Variants in PTK2 observed in about 807,000 individuals in gnomAD.
PTK2 encodes the protein protein tyrosine kinase 2, also known as focal adhesion kinase 1.
PTK2 carries 45 observed loss-of-function variants against 150.1 expected under a neutral mutation model. That is an observed-to-expected ratio of 0.30 (90% CI 0.24 to 0.38). PTK2 has a LOEUF of 0.38. PTK2 is among the 10% of genes least tolerant of loss of function. PTK2 has a pLI of 1.00. For synonymous variants in PTK2, 432 were observed against 449.2 expected, an observed-to-expected ratio of 0.96 and a Z score of 0.48; for missense variants, 919 against 1,307.3, an observed-to-expected ratio of 0.70 and a Z score of 4.58.
At chr8:140,684,772 T>C (rs1198755385) in intron 27 of PTK2, among the ~76,000 whole-genome samples, 2 of 152,158 alleles carry the variant, frequency 1.3e-5, no homozygotes, top group African/African-American at 2.4e-5. Context: ...ATTGTTATAA[T>C]GGTCATACCG....
chr8:140,976,864 C>T (rs2100189429), intron 1 of PTK2, among the ~76,000 whole-genome samples: 1 of 152,046 alleles, frequency 6.6e-6, no homozygotes, highest in Admixed American at 6.6e-5. Flanking sequence ...TAGCCAAATT[C>T]TACTACAATA....
At chr8:140,695,195 T>C (rs988023470) in intron 26 of PTK2, among the ~76,000 whole-genome samples, 4 of 152,216 alleles carry the variant, frequency 2.6e-5, no homozygotes, top group African/African-American at 4.8e-5. Context: ...ATGCTATGAT[T>C]CCTGTCCCGG....
intron 1 of PTK2, among the ~76,000 whole-genome samples, chr8:140,926,769 A>G (rs1374385943): frequency 6.6e-6 from 1 of 152,268 alleles, no homozygotes; most frequent in Non-Finnish European, 1.5e-5. Flanking sequence ...ATCTTATTTA[A>G]TATTTCTGCC....
At chr8:140,677,280 T>C (rs1387592998) in intron 27 of PTK2, among the ~76,000 whole-genome samples, 3 of 151,176 alleles carry the variant, frequency 2.0e-5, no homozygotes, top group Admixed American at 1.3e-4. Context: ...TGGGCCTACA[T>C]TGTCATCACC....
chr8:140,777,963 T>G lies in PTK2; in HGVS notation c.1177+11511A>C, dbSNP rs4273891. Among the ~76,000 whole-genome samples the G allele has an allele frequency of 5.5e-3, 834 of 152,274 alleles. 8 individuals are homozygous for G. Among genetic ancestry groups the G allele is most frequent in the Non-Finnish European group, 6.0e-3 (411 of 68,026 alleles). ...GCCCTGCTCCTCTATCCCATAAATA[T>G]CCCTAAAACTTCATCTTTGGAGAGG... On this transcript the variant is annotated intron_variant, in intron 14 of 31. Coordinates refer to ENST00000522684, the Ensembl canonical transcript of PTK2.
intron 2 of PTK2, among the ~76,000 whole-genome samples, chr8:140,897,847 G>A (rs1028227819): frequency 6.6e-6 from 1 of 152,172 alleles, no homozygotes; most frequent in Non-Finnish European, 1.5e-5. Flanking sequence ...CCCTCACCAT[G>A]GAAAGGTAAT....
chr8:140,774,086 C>A (rs188551498), intron 14 of PTK2, among the ~76,000 whole-genome samples: 1 of 152,210 alleles, frequency 6.6e-6, no homozygotes, highest in Admixed American at 6.5e-5. Context: ...CCTACCTATT[C>A]CCTTTTAGAA....
intron 19 of PTK2, among the ~76,000 whole-genome samples, 167 bp downstream of exon 22, chr8:140,744,485 A>G (rs1325774295): frequency 6.6e-6 from 1 of 152,242 alleles, no homozygotes; most frequent in East Asian, 1.9e-4. Flanking sequence ...TTAACTGTGT[A>G]CAATAGATTC....
intron 1 of PTK2, among the ~76,000 whole-genome samples, chr8:140,965,415 C>G (rs1471989407): frequency 6.6e-6 from 1 of 152,166 alleles, no homozygotes; most frequent in East Asian, 1.9e-4. Context: ...TTTCTTCACT[C>G]AATATAGGTT....
intron 2 of PTK2, among the ~76,000 whole-genome samples, chr8:140,915,739 A>G (rs1035363361): frequency 1.3e-5 from 2 of 152,030 alleles, no homozygotes; most frequent in Non-Finnish European, 2.9e-5. Context: ...CTACTAAAAA[A>G]AAAAATTAAA....
chr8:140,702,710 G>A lies in PTK2; in HGVS notation c.2230-3C>T. 1 of 1,613,494 alleles carries A rather than the reference G, an allele frequency of 6.2e-7. No homozygotes were observed. Among genetic ancestry groups the A allele is most frequent in the South Asian group, 1.1e-5 (1 of 91,030 alleles). Reference sequence around the variant, plus strand: ...TGTGAACCAGGGTAGCCAGAAACCTGTGAATGAGTAAGGAGGCAAGGTAAT... The same window carrying A: ...TGTGAACCAGGGTAGCCAGAAACCTATGAATGAGTAAGGAGGCAAGGTAAT... On this transcript the variant is annotated splice_region_variant and splice_polypyrimidine_tract_variant and intron_variant, in intron 24 of 31. Coordinates refer to ENST00000522684, the Ensembl canonical transcript of PTK2.
intron 14 of PTK2, among the ~76,000 whole-genome samples, chr8:140,788,777 T>C (rs2100086498): frequency 6.6e-6 from 1 of 152,148 alleles, no homozygotes; most frequent in African/African-American, 2.4e-5. Flanking sequence ...ATGTAACATA[T>C]ATGTATGCAC....
chr8:140,982,886 TACA>T (rs2100191981), intron 1 of PTK2, among the ~76,000 whole-genome samples: 1 of 152,202 alleles, frequency 6.6e-6, no homozygotes, highest in South Asian at 2.1e-4. Flanking sequence ...GGGAATTCAT[TACA>T]ACATTGTTTC....
intron 23 of PTK2, among the ~76,000 whole-genome samples, chr8:140,711,673 T>A (rs1388304906): frequency 6.6e-6 from 1 of 152,196 alleles, no homozygotes; most frequent in Non-Finnish European, 1.5e-5. Context: ...CCAATGAAAT[T>A]CCTATCAGTT....
At chr8:140,809,341 G>C (rs2100100068) in intron 10 of PTK2, among the ~76,000 whole-genome samples, 4 of 152,114 alleles carry the variant, frequency 2.6e-5, no homozygotes, top group Admixed American at 2.6e-4. Context: ...GTCTGAAAAA[G>C]AGCCAAATCA....
chr8:140,708,722 A>G (rs145463143), intron 23 of PTK2, among the ~76,000 whole-genome samples: 40 of 152,296 alleles, frequency 2.6e-4, no homozygotes, highest in African/African-American at 9.6e-4. Context: ...TAGGGTGGCA[A>G]TTTCCAAAGT....
intron 1 of PTK2, among the ~76,000 whole-genome samples, chr8:140,965,024 C>A (rs1165228470): frequency 1.3e-5 from 2 of 152,164 alleles, no homozygotes; most frequent in Non-Finnish European, 2.9e-5. Context: ...CCTAATAATC[C>A]TTTTTTGACA....
intron 1 of PTK2, among the ~76,000 whole-genome samples, chr8:140,975,898 C>T (rs1055822622): frequency 2.0e-5 from 3 of 152,098 alleles, no homozygotes; most frequent in African/African-American, 7.2e-5. Flanking sequence ...TTTTAAATGG[C>T]GAACAAATGA....
intron 21 of PTK2, among the ~76,000 whole-genome samples, chr8:140,738,691 CA>C (rs1316389015): frequency 6.6e-6 from 1 of 151,830 alleles, no homozygotes; most frequent in Non-Finnish European, 1.5e-5. Context: ...AATGAGATGG[CA>C]AAGGGAGAGA....
Sources: allele counts gnomAD v4.1 joint callset (sites outside exome capture counted in the v4.1 genomes callset), GRCh38; gene constraint gnomAD v4.1.1; transcripts MANE v1.5; gene names NCBI Gene and HGNC (gene_info 2026-07-23, HGNC 2026-07-21).